The following SEC22C variants were observed in gnomAD, a reference collection of about 807,000 sequenced individuals.
SEC22C encodes the protein SEC22 homolog C, vesicle trafficking protein, also known as vesicle-trafficking protein SEC22c.
SEC22C carries 29 observed loss-of-function variants against 34.7 expected under a neutral mutation model. The observed-to-expected ratio is 0.84, with a 90% CI of 0.62 to 1.14. SEC22C has a LOEUF of 1.14. SEC22C is among the 50% of genes most tolerant of loss of function. The pLI is 0.00. For synonymous variants in SEC22C, 117 were observed against 132.8 expected (o/e 0.88, Z 0.82); for missense variants, 337 against 369.0 (o/e 0.91, Z 0.71).
At chr3:42,585,173 G>A (rs145254313), upstream of SEC22C, among the ~76,000 whole-genome samples, 148 of 152,216 alleles carry the variant, frequency 9.7e-4, 1 homozygote, top group Non-Finnish European at 1.4e-3. Context: ...CAAATATGGG[G>A]AATTGGGCTC....
At position 42,552,540 on chromosome 3, in the gene SEC22C, C is replaced by T. The variant is rs1202712067; in HGVS notation, c.*708G>A. ...TTTTAAAATATTCGGATATACCCTGCAAATAAATATAAAACATCTCTGTAC... is the reference window on the plus strand; with the variant it reads ...TTTTAAAATATTCGGATATACCCTGTAAATAAATATAAAACATCTCTGTAC... On this transcript the variant is annotated 3_prime_UTR_variant, in exon 7 of 7. Coordinates refer to ENST00000264454, the MANE Select transcript of SEC22C (RefSeq NM_032970.4). The T allele has an allele frequency of 8.2e-6, 8 of 979,968 alleles. No individual in the cohort carries two copies. Among genetic ancestry groups the T allele is most frequent in the African/African-American group, 1.8e-5 (1 of 57,048 alleles). 60.7% of individuals were successfully genotyped at this position (979,968 alleles called of 1,614,324 possible). A position where few individuals can be genotyped will look rare whatever the true frequency, so the allele number is the denominator to read the frequency against.
At chr3:42,554,986 A>AC (rs201853579) in intron 6 of SEC22C, among the ~76,000 whole-genome samples, 3,602 of 141,156 alleles carry the variant, frequency 0.026, 127 homozygotes, top group African/African-American at 0.091. Flanking sequence ...AACAACAACA[A>AC]CAACAACAAC....
At chr3:42,594,344 G>A in intron 1 of SEC22C, 1 of 1,094,136 alleles carries the variant, frequency 9.1e-7, no homozygotes, top group Non-Finnish European at 1.4e-6. Flanking sequence ...CCACTAGAGT[G>A]GGTAAATTAT....
chr3:42,579,803 A>C (rs1704203867), intron 1 of SEC22C, among the ~76,000 whole-genome samples: 1 of 152,200 alleles, frequency 6.6e-6, no homozygotes, highest in South Asian at 2.1e-4. Flanking sequence ...AACACTGCTA[A>C]GTTAAATGAA....
At chr3:42,598,911 ATATATATC>A (rs1208008207) in intron 1 of SEC22C, among the ~76,000 whole-genome samples, 1 of 133,394 alleles carries the variant, frequency 7.5e-6, no homozygotes, top group African/African-American at 2.7e-5. Context: ...CATAATGTGT[ATATATATC>A]TATAGATCTA....
intron 1 of SEC22C, chr3:42,590,830 C>T: frequency 6.5e-7 from 1 of 1,536,136 alleles, no homozygotes; most frequent in Non-Finnish European, 9.0e-7. Flanking sequence ...CAATCAACTT[C>T]GAGAGCGTAG....
intron 1 of SEC22C, chr3:42,594,466 T>C (rs1455717180): frequency 1.2e-6 from 2 of 1,614,074 alleles, no homozygotes; most frequent in Admixed American, 3.3e-5. Flanking sequence ...TTGGCTACCA[T>C]TGCAGATGCC....
At chr3:42,558,562 G>A (rs1702686232) in intron 4 of SEC22C, among the ~76,000 whole-genome samples, 1 of 148,034 alleles carries the variant, frequency 6.8e-6, no homozygotes, top group African/African-American at 2.5e-5. Context: ...TAAGGTGAGA[G>A]GATCACTTGA....
intron 1 of SEC22C, among the ~76,000 whole-genome samples, chr3:42,599,421 G>T (rs1265681117): frequency 1.3e-5 from 2 of 151,508 alleles, no homozygotes; most frequent in African/African-American, 2.4e-5. Flanking sequence ...GGCCGGGCGC[G>T]GTGGCTCACG....
At chr3:42,598,298 G>T (rs1393251862) in intron 1 of SEC22C, among the ~76,000 whole-genome samples, 1 of 151,880 alleles carries the variant, frequency 6.6e-6, no homozygotes, top group African/African-American at 2.4e-5. Context: ...GACATGCTGA[G>T]TGAAATCACC....
At chr3:42,577,598 G>A (rs1200739412) in intron 1 of SEC22C, among the ~76,000 whole-genome samples, 1 of 152,152 alleles carries the variant, frequency 6.6e-6, no homozygotes, top group Non-Finnish European at 1.5e-5. Flanking sequence ...ATGATAAATA[G>A]TGACAGTATC....
chr3:42,548,787 C>A lies in SEC22C; in HGVS notation c.*4461G>T. 2 of 1,506,734 alleles carry A rather than the reference C, an allele frequency of 1.3e-6. No homozygotes were observed. The highest frequency in any genetic ancestry group is 1.8e-6 in the Non-Finnish European group (2 of 1,123,132). The allele number at this position is 1,506,734 out of a possible 1,614,324, so 93.3% of individuals were successfully genotyped here. On this transcript the variant is annotated 3_prime_UTR_variant, in exon 7 of 7. Coordinates refer to ENST00000264454, the MANE Select transcript of SEC22C (RefSeq NM_032970.4). Reference sequence around the variant, plus strand: ...AAATGAGGTTTACACTGTAGTATAACAAAATGCCTTTTTGTAAAGGCCAGA... The same window carrying A: ...AAATGAGGTTTACACTGTAGTATAAAAAAATGCCTTTTTGTAAAGGCCAGA...
intron 1 of SEC22C, among the ~76,000 whole-genome samples, chr3:42,572,085 G>A (rs1014732626): frequency 6.6e-6 from 1 of 152,048 alleles, no homozygotes; most frequent in Admixed American, 6.6e-5. Context: ...ACTGGCTAGG[G>A]ACCTTGGGGT....
chr3:42,578,161 A>T (rs1324968591), intron 1 of SEC22C, among the ~76,000 whole-genome samples: 1 of 152,172 alleles, frequency 6.6e-6, no homozygotes, highest in African/African-American at 2.4e-5. Context: ...AACAACCAAA[A>T]TGTCCTACAA....
chr3:42,591,948 T>A lies in SEC22C; in HGVS notation c.-28+9012A>T, dbSNP rs767913932. On this transcript the variant is annotated intron_variant, in intron 1 of 6. Transcript: ENST00000417572. ...GCCATGGCCCCTTTCTCATCTTGGA[T>A]CCCTGCCTCATCCTTTCTCTGTTAA... Among the ~76,000 whole-genome samples the A allele has an allele frequency of 2.0e-5, 3 of 152,170 alleles. No individual in the cohort carries two copies. The South Asian group carries it at 6.2e-4, about 31-fold the overall frequency.
rs1702169919 is a variant in SEC22C, at chr3:42,550,022, G to A, written c.*3226C>T. On this transcript the variant is annotated 3_prime_UTR_variant, in exon 7 of 7. Transcript: ENST00000264454. ...AAAGCCAGGTACACTTCTCATCACA[G>A]TAAGACTAGCCTAACAGGGGAAAAC... The A allele has an allele frequency of 1.0e-6, 1 of 985,468 alleles. No individual in the cohort carries two copies. The allele number at this position is 985,468 out of a possible 1,614,324, so 61.0% of individuals were successfully genotyped here.
Position 42,590,745 on chromosome 3 carries a change from G to A in SEC22C, c.-28+10215C>T, listed in dbSNP as rs1306678662. 1.1e-5 allele frequency: 9 copies of A among 815,290 alleles called. 1 individual carries two copies. Among genetic ancestry groups the A allele is most frequent in the Admixed American group, 1.9e-5 (1 of 52,328 alleles). The allele number at this position is 815,290 out of a possible 1,614,324, so 50.5% of individuals were successfully genotyped here. On this transcript the variant is annotated intron_variant, in intron 1 of 6. Transcript: ENST00000417572. ...GTTCTGGGGGCTGGGACCGAGGAAA[G>A]CGCTGAGTATAGCTCTTGCGCGTCC... is the stretch of plus-strand genomic sequence containing the variant.
At position 42,599,288 on chromosome 3, in the gene SEC22C, A is replaced by T. The variant is rs1056724702; in HGVS notation, c.-28+1672T>A. 5.4e-5 allele frequency among the ~76,000 whole-genome samples: 8 copies of T among 147,972 alleles called. No individual in the cohort carries two copies. The East Asian group carries it at 5.9e-4, about 11-fold the overall frequency. On this transcript the variant is annotated intron_variant, in intron 1 of 6. Coordinates refer to the SEC22C transcript ENST00000417572. ...CCATGTAATGTGTATTTTATAGTTT[A>T]AAAAAAAAACTTATAAAATAGTGTG...
At chr3:42,565,178 C>T (rs1379146705) in intron 2 of SEC22C, among the ~76,000 whole-genome samples, 2 of 152,162 alleles carry the variant, frequency 1.3e-5, no homozygotes, top group Non-Finnish European at 2.9e-5. Flanking sequence ...ATATTCTGCC[C>T]CCCTTTCATT....
Sources: allele counts gnomAD v4.1 joint callset (sites outside exome capture counted in the v4.1 genomes callset), GRCh38; gene constraint gnomAD v4.1.1; transcripts MANE v1.5; gene names NCBI Gene and HGNC (gene_info 2026-07-23, HGNC 2026-07-21).